Variants in ECHDC3 observed in about 807,000 individuals in gnomAD.
The protein encoded by ECHDC3 is enoyl-CoA hydratase domain containing 3, also known as enoyl-CoA hydratase domain-containing protein 3, mitochondrial.
A neutral mutation model predicts 17.9 loss-of-function variants in ECHDC3; 20 were observed. That is an observed-to-expected ratio of 1.12 (90% CI 0.79 to 1.63). ECHDC3 has a LOEUF of 1.63. Among genes scored for constraint, ECHDC3 ranks in the 40% most tolerant of loss-of-function variants. ECHDC3 has a pLI of 0.00. For missense variants in ECHDC3, 407 were observed against 357.7 expected (o/e 1.14, Z -1.11); for synonymous variants, 177 against 149.7 (o/e 1.18, Z -1.33).
rs543473046 is a variant in ECHDC3, at chr10:11,763,898, A to G, written c.*354A>G. The G allele has an allele frequency of 9.0e-5, 94 of 1,044,188 alleles. No homozygotes were observed. The East Asian group carries it at 8.1e-3, about 90-fold the overall frequency. 64.7% of individuals were successfully genotyped at this position (1,044,188 alleles called of 1,614,324 possible). On this transcript the variant is annotated 3_prime_UTR_variant, in exon 5 of 5. Coordinates refer to ENST00000379215, the MANE Select transcript of ECHDC3 (RefSeq NM_024693.5). The surrounding 1 kb of genome is among the most constrained non-coding windows in gnomAD (Gnocchi z 4.9). ...AAAGAAGGACGCCAGCCTGACCCTTATCTGAAACGTCCTAAGCAGAGTTAA... is the reference window on the plus strand; with the variant it reads ...AAAGAAGGACGCCAGCCTGACCCTTGTCTGAAACGTCCTAAGCAGAGTTAA...
At chr10:11,760,563 G>A (rs1832937284) in intron 4 of ECHDC3, among the ~76,000 whole-genome samples, 1 of 152,224 alleles carries the variant, frequency 6.6e-6, no homozygotes, top group South Asian at 2.1e-4. Context: ...CAAAGGGATC[G>A]ATAAGGTTGA....
intron 4 of ECHDC3, among the ~76,000 whole-genome samples, chr10:11,759,489 G>A (rs1188326914): frequency 6.6e-6 from 1 of 152,104 alleles, no homozygotes; most frequent in Non-Finnish European, 1.5e-5. Flanking sequence ...GTCGCTGAGT[G>A]CCGGCACCCT....
intron 3 of ECHDC3, among the ~76,000 whole-genome samples, chr10:11,751,863 A>G (rs1832828335): frequency 6.6e-6 from 1 of 152,218 alleles, no homozygotes; most frequent in Non-Finnish European, 1.5e-5. Flanking sequence ...CAATCAAATG[A>G]CAATGGGACA....
chr10:11,746,503 C>A (rs1257108916), intron 1 of ECHDC3, among the ~76,000 whole-genome samples: 1 of 152,062 alleles, frequency 6.6e-6, no homozygotes, highest in Non-Finnish European at 1.5e-5. Context: ...CCTTTGTCAT[C>A]CACAAAGGAT....
At chr10:11,751,050 AATG>A (rs1210099488) in intron 3 of ECHDC3, among the ~76,000 whole-genome samples, 1 of 152,206 alleles carries the variant, frequency 6.6e-6, no homozygotes, top group East Asian at 1.9e-4. Flanking sequence ...TTCCTACATT[AATG>A]ATGTTTATGT....
intron 1 of ECHDC3, among the ~76,000 whole-genome samples, chr10:11,746,062 T>G (rs772291162): frequency 6.6e-6 from 1 of 152,134 alleles, no homozygotes; most frequent in Non-Finnish European, 1.5e-5. Flanking sequence ...GTGCAGTAGC[T>G]CACGTCTGTA....
chr10:11,748,674 C>T (rs1031033658), intron 2 of ECHDC3, among the ~76,000 whole-genome samples: 3 of 152,118 alleles, frequency 2.0e-5, no homozygotes, highest in African/African-American at 4.8e-5. Context: ...TCACTTGAGG[C>T]CAAGAGTTCG....
At chr10:11,754,519 TCCCCCC>T (rs1832864083) in intron 3 of ECHDC3, among the ~76,000 whole-genome samples, 1 of 151,632 alleles carries the variant, frequency 6.6e-6, no homozygotes, top group Non-Finnish European at 1.5e-5. Flanking sequence ...GACAGCAGAG[TCCCCCC>T]ACCCCCATTT....
At chr10:11,751,004 T>C (rs957295376) in intron 3 of ECHDC3, among the ~76,000 whole-genome samples, 9 of 152,178 alleles carry the variant, frequency 5.9e-5, no homozygotes, top group African/African-American at 9.7e-5. Context: ...CATGGGGAAG[T>C]GGGAGCAAGT....
intron 2 of ECHDC3, among the ~76,000 whole-genome samples, chr10:11,747,909 T>C (rs575961849): frequency 6.6e-6 from 1 of 152,370 alleles, no homozygotes; most frequent in African/African-American, 2.4e-5. Context: ...ATTCTGCTAA[T>C]TTGTTTGCTT....
intron 3 of ECHDC3, among the ~76,000 whole-genome samples, chr10:11,753,951 C>CCT (rs1426786039): frequency 1.3e-5 from 2 of 150,726 alleles, no homozygotes; most frequent in Non-Finnish European, 3.0e-5. Context: ...AATTTTTGTA[C>CCT]TTTTTTTTTA....
intron 1 of ECHDC3, among the ~76,000 whole-genome samples, chr10:11,745,793 T>G (rs1832752475): frequency 6.6e-6 from 1 of 152,194 alleles, no homozygotes; most frequent in Non-Finnish European, 1.5e-5. Context: ...CTTTGCCCAT[T>G]TCTTGTAACA....
chr10:11,754,986 C>G (rs189477099), intron 3 of ECHDC3, among the ~76,000 whole-genome samples: 1 of 152,128 alleles, frequency 6.6e-6, no homozygotes, highest in South Asian at 2.1e-4. Context: ...GATAAACTCA[C>G]GCTTATGAAA....
At chr10:11,749,033 G>A (rs1376739906) in intron 2 of ECHDC3, among the ~76,000 whole-genome samples, 4 of 152,140 alleles carry the variant, frequency 2.6e-5, no homozygotes, top group African/African-American at 7.2e-5. Context: ...GGCTTCCGAG[G>A]TCTCTTCCTA....
intron 3 of ECHDC3, among the ~76,000 whole-genome samples, chr10:11,752,628 C>T (rs1030529627): frequency 6.6e-6 from 1 of 152,068 alleles, no homozygotes; most frequent in African/African-American, 2.4e-5. Flanking sequence ...TATAGAATTA[C>T]GTAATATGAT....
Position 11,763,287 on chromosome 10 carries a change from C to T in ECHDC3, c.655C>T (p.Leu219=). 1 of 780,360 alleles carries T rather than the reference C, an allele frequency of 1.3e-6. No individual in the cohort carries two copies. The highest frequency in any genetic ancestry group is 2.4e-6 in the Non-Finnish European group (1 of 418,094). The allele number at this position is 780,360 out of a possible 1,614,324, so 48.3% of individuals were successfully genotyped here. A position where few individuals can be genotyped will look rare whatever the true frequency, so the allele number is the denominator to read the frequency against. The change falls in exon 5 of 5, where the codon CTG becomes TTG. Residue 219 remains leucine, a synonymous_variant. Coordinates refer to ENST00000379215, the MANE Select transcript of ECHDC3 (RefSeq NM_024693.5). This position sits in a 1 kb window ranked among gnomAD's most constrained non-coding sequence, Gnocchi z 4.9. The stretch of plus-strand genomic sequence containing the variant: ...TGCCCAGGAGGCCCTGCTCCACGGG[C>T]TGCTTAGCAAGGTGGTGCCAGAGGC... ...ISAQEALLHG[L]LSKVVPEAEL... is the part of the protein sequence containing the mutation.
At position 11,742,603 on chromosome 10, in the gene ECHDC3, CT is replaced by C. The variant is rs1179749915; in HGVS notation, c.29del (p.Phe10SerfsTer47). 1 of 1,295,222 alleles carries C rather than the reference CT, an allele frequency of 7.7e-7. No individual in the cohort carries two copies. Among genetic ancestry groups the C allele is most frequent in the South Asian group, 2.4e-5 (1 of 42,174 alleles). The allele number at this position is 1,295,222 out of a possible 1,614,324, so 80.2% of individuals were successfully genotyped here. ...TGGCCGCCGTCGCCGTCTTGCGGGC[CT>C]TCGGGGCAAGTGGGCCCATGTGTCT... MAAVAVLRA[F>X]GASGPMCLRR... On this transcript the variant is annotated frameshift_variant, in exon 1 of 5. Coordinates refer to ENST00000379215, the MANE Select transcript of ECHDC3 (RefSeq NM_024693.5). LOFTEE classifies it high-confidence loss of function.
chr10:11,763,819 G>T lies in ECHDC3; in HGVS notation c.*275G>T. 2 of 1,149,176 alleles carry T rather than the reference G, an allele frequency of 1.7e-6. No homozygotes were observed. The highest frequency in any genetic ancestry group is 1.1e-6 in the Non-Finnish European group (1 of 942,906). 71.2% of individuals were successfully genotyped at this position (1,149,176 alleles called of 1,614,324 possible). ...TGGCATTTGGGGTGCTCCTTGCAACGTCTTAAGCAAGCGACCCCCCGACAT... is the reference window on the plus strand; with the variant it reads ...TGGCATTTGGGGTGCTCCTTGCAACTTCTTAAGCAAGCGACCCCCCGACAT... On this transcript the variant is annotated 3_prime_UTR_variant, in exon 5 of 5. Coordinates refer to ENST00000379215, the MANE Select transcript of ECHDC3 (RefSeq NM_024693.5). This position sits in a 1 kb window ranked among gnomAD's most constrained non-coding sequence, Gnocchi z 4.9.
rs138989639 is a variant in ECHDC3 at position 11,747,421 on chromosome 10, C to T, written c.243C>T (p.Asp81=). 216 of 1,613,932 alleles carry T rather than the reference C, an allele frequency of 1.3e-4. No individual in the cohort carries two copies. Among genetic ancestry groups the T allele is most frequent in the Non-Finnish European group, 1.7e-4 (202 of 1,179,982 alleles). Residue 81 remains aspartate, a synonymous_variant, in exon 2 of 5, where the codon GAC becomes GAT. Coordinates refer to ENST00000379215, the MANE Select transcript of ECHDC3 (RefSeq NM_024693.5). Reference sequence around the variant, plus strand: ...CAATGCTGAAGTCTCTCCAAAGTGACATTCTTCATGACGCTGACAGCAACG... The same window carrying T: ...CAATGCTGAAGTCTCTCCAAAGTGATATTCTTCATGACGCTGACAGCAACG... The part of the protein sequence containing the change: ...SLAMLKSLQS[D]ILHDADSNDL...
Sources: gnomAD v4.1 joint callset for allele counts (sites outside exome capture counted in the v4.1 genomes callset) on GRCh38, gnomAD v4.1.1 for gene constraint, Gnocchi (gnomAD v3.1) non-coding constraint, MANE v1.5 for transcripts, NCBI Gene and HGNC (gene_info 2026-07-23, HGNC 2026-07-21) for gene names.